PTPN5: variants seen among roughly 807,000 people sequenced by gnomAD.
The protein encoded by PTPN5 is tyrosine-protein phosphatase non-receptor type 5.
A neutral mutation model predicts 73.9 loss-of-function variants in PTPN5; 29 were observed. The observed-to-expected ratio is 0.39, with a 90% CI of 0.29 to 0.54. The LOEUF (loss-of-function observed/expected upper bound fraction) is 0.54. PTPN5 is among the 20% of genes least tolerant of loss of function. The probability of loss-of-function intolerance (pLI) is 0.65; values close to 1 mark genes in which losing one functional copy is unlikely to be tolerated. For missense variants in PTPN5, 652 were observed against 751.4 expected, an observed-to-expected ratio of 0.87 and a Z score of 1.55; for synonymous variants, 267 against 304.7, an observed-to-expected ratio of 0.88 and a Z score of 1.29.
intron 1 of PTPN5, among the ~76,000 whole-genome samples, chr11:18,777,989 A>AAAG (rs1851246332): frequency 7.6e-6 from 1 of 131,722 alleles, no homozygotes; most frequent in Non-Finnish European, 1.6e-5. Flanking sequence ...AAAGAAAGAA[A>AAAG]GAAAGGAAGG....
At chr11:18,778,111 T>C (rs755115663) in intron 1 of PTPN5, among the ~76,000 whole-genome samples, 7 of 152,200 alleles carry the variant, frequency 4.6e-5, no homozygotes, top group African/African-American at 9.7e-5. Flanking sequence ...TGAAGAGTCA[T>C]GCTGCCAGTC....
intron 1 of PTPN5, among the ~76,000 whole-genome samples, chr11:18,789,476 TCCCTACATGGCAAAAA>T (rs1404206631): frequency 6.6e-6 from 1 of 152,068 alleles, no homozygotes; most frequent in Non-Finnish European, 1.5e-5. Flanking sequence ...AAGGCAGAAA[TCCCTACATGGCAAAAA>T]CCCAGGGGCC....
chr11:18,747,913 T>C (rs1037953135), intron 3 of PTPN5, among the ~76,000 whole-genome samples: 3 of 152,198 alleles, frequency 2.0e-5, no homozygotes, highest in Admixed American at 6.5e-5. Context: ...ATAAATGTTG[T>C]ACACAGTAAA....
chr11:18,790,126 G>A (rs1262213921), intron 1 of PTPN5, among the ~76,000 whole-genome samples: 1 of 151,892 alleles, frequency 6.6e-6, no homozygotes, highest in Non-Finnish European at 1.5e-5. Flanking sequence ...CCAGGCATCA[G>A]GCTCAGCTCT....
At chr11:18,755,415 T>C (rs1850085235) in intron 3 of PTPN5, among the ~76,000 whole-genome samples, 1 of 152,176 alleles carries the variant, frequency 6.6e-6, no homozygotes, top group Non-Finnish European at 1.5e-5. Context: ...TTACAAAGTT[T>C]TGGGGGTAAT....
Sources: gnomAD v4.1 joint callset for allele counts (sites outside exome capture counted in the v4.1 genomes callset) on GRCh38, gnomAD v4.1.1 for gene constraint, MANE v1.5 for transcripts, NCBI Gene and HGNC (gene_info 2026-07-23, HGNC 2026-07-21) for gene names.